CREM: variants seen among roughly 807,000 people sequenced by gnomAD.
CREM encodes cAMP responsive element modulator.
A neutral mutation model predicts 37.3 loss-of-function variants in CREM; 13 were observed. The ratio of observed to expected loss-of-function variants is 0.35; its 90% CI spans 0.23 to 0.55. The LOEUF (loss-of-function observed/expected upper bound fraction) is 0.55, where lower values mean the gene tolerates loss of function less well. CREM is among the 20% of genes least tolerant of loss of function. The probability of loss-of-function intolerance (pLI) is 0.88; values close to 1 mark genes in which losing one functional copy is unlikely to be tolerated. For synonymous variants in CREM, 124 were observed against 120.2 expected, an observed-to-expected ratio of 1.03 and a Z score of -0.21; for missense variants, 296 against 362.3, an observed-to-expected ratio of 0.82 and a Z score of 1.49.
chr10:35,190,096 ATTTC>A (rs2094846367), intron 6 of CREM, among the ~76,000 whole-genome samples: 1 of 152,190 alleles, frequency 6.6e-6, no homozygotes, highest in African/African-American at 2.4e-5. Flanking sequence ...AAGAATAATT[ATTTC>A]TTCTCATTTT....
chr10:35,190,869 C>T (rs927913724), intron 6 of CREM, among the ~76,000 whole-genome samples: 2 of 151,748 alleles, frequency 1.3e-5, no homozygotes, highest in African/African-American at 4.8e-5. Flanking sequence ...TCACCATGTT[C>T]GCCAGGATGG....
At chr10:35,197,218 A>G (rs186386753) in intron 6 of CREM, among the ~76,000 whole-genome samples, 51 of 152,186 alleles carry the variant, frequency 3.4e-4, no homozygotes, top group African/African-American at 1.1e-3. Flanking sequence ...CAGTTTTACC[A>G]ATAATGCTAC....
chr10:35,134,749 GA>G (rs2090146024), intron 1 of CREM, among the ~76,000 whole-genome samples: 1 of 152,096 alleles, frequency 6.6e-6, no homozygotes, highest in South Asian at 2.1e-4. Context: ...CGACAGCAGT[GA>G]AATTGAGCCT....
At chr10:35,145,160 CAAAAAAAAAA>C (rs34802396) in intron 2 of CREM, among the ~76,000 whole-genome samples, 1 of 67,854 alleles carries the variant, frequency 1.5e-5, no homozygotes, top group Admixed American at 1.7e-4. Context: ...GACACTGTCT[CAAAAAAAAAA>C]AAAAAAAAAA....
At chr10:35,160,545 C>T (rs2093226852) in intron 3 of CREM, among the ~76,000 whole-genome samples, 1 of 152,182 alleles carries the variant, frequency 6.6e-6, no homozygotes, top group Admixed American at 6.5e-5. Context: ...ACTACAGGCA[C>T]ATGCCACCAT....
chr10:35,144,948 C>T (rs1040133030), intron 2 of CREM, among the ~76,000 whole-genome samples: 4 of 151,518 alleles, frequency 2.6e-5, no homozygotes, highest in Admixed American at 2.0e-4. Context: ...TCACTTGAGG[C>T]CAGGAGTTGG....
Position 35,211,701 on chromosome 10 carries a change from A to G in CREM, c.*303A>G. 6.2e-7 allele frequency: 1 copy of G among 1,613,996 alleles called. No homozygotes were observed. The highest frequency in any genetic ancestry group is 8.5e-7 in the Non-Finnish European group (1 of 1,179,994). Reference sequence around the variant, plus strand: ...GACGTCGAAAGAAAGAATATGTAAAATGTCTGGAGAGCCGAGTTGCAGTGC... The same window carrying G: ...GACGTCGAAAGAAAGAATATGTAAAGTGTCTGGAGAGCCGAGTTGCAGTGC... On this transcript the variant is annotated 3_prime_UTR_variant, in exon 8 of 8. Coordinates refer to ENST00000685392, the MANE Select transcript of CREM (RefSeq NM_183011.2).
chr10:35,189,018 G>C (rs546884034), intron 6 of CREM, among the ~76,000 whole-genome samples: 1 of 152,086 alleles, frequency 6.6e-6, no homozygotes, highest in Non-Finnish European at 1.5e-5. Context: ...TCATTTGGGG[G>C]TTGCAAATGT....
chr10:35,199,618 A>G (rs981579631), intron 6 of CREM, among the ~76,000 whole-genome samples: 2 of 152,174 alleles, frequency 1.3e-5, no homozygotes, highest in Non-Finnish European at 2.9e-5. Context: ...TAAAAAAGGC[A>G]GTTTACAGGC....
chr10:35,184,068 C>T (rs543115465), intron 5 of CREM, among the ~76,000 whole-genome samples: 1 of 152,224 alleles, frequency 6.6e-6, no homozygotes, highest in African/African-American at 2.4e-5. Context: ...GAGTGAAAGT[C>T]CATCTCAAAA....
chr10:35,174,733 A>G (rs985218510), intron 3 of CREM, among the ~76,000 whole-genome samples: 19 of 152,240 alleles, frequency 1.2e-4, no homozygotes, highest in African/African-American at 4.6e-4. Context: ...AGTTTCTGCA[A>G]TTATGCTAGC....
chr10:35,181,697 G>C (rs957315762), intron 5 of CREM, among the ~76,000 whole-genome samples: 1 of 152,098 alleles, frequency 6.6e-6, no homozygotes, highest in Non-Finnish European at 1.5e-5. Context: ...AATAGAGTGA[G>C]ACCCTGTCTC....
At chr10:35,137,645 T>C in intron 1 of CREM, 137 bp from the exon 2 acceptor site, 1 of 342,304 alleles carries the variant, frequency 2.9e-6, no homozygotes, top group Non-Finnish European at 5.2e-6. Flanking sequence ...AGTTATTTTT[T>C]ATTTTTAGTT....
At chr10:35,198,191 T>C (rs1185122131) in intron 6 of CREM, among the ~76,000 whole-genome samples, 1 of 152,072 alleles carries the variant, frequency 6.6e-6, no homozygotes, top group Admixed American at 6.6e-5. Flanking sequence ...GAAAAGATAT[T>C]AGCAGCATTT....
chr10:35,171,920 G>A (rs2093839210), intron 3 of CREM, among the ~76,000 whole-genome samples: 1 of 152,158 alleles, frequency 6.6e-6, no homozygotes. Context: ...AAAAAGGAAA[G>A]GAACAGAGGA....
At chr10:35,130,294 C>A (rs917294796) in intron 1 of CREM, among the ~76,000 whole-genome samples, 16 of 151,544 alleles carry the variant, frequency 1.1e-4, no homozygotes, top group African/African-American at 3.9e-4. Context: ...TAATAATCTC[C>A]TTTTAGACAA....
chr10:35,166,408 A>G (rs35847586), intron 3 of CREM, among the ~76,000 whole-genome samples: 44,386 of 151,746 alleles, frequency 0.29, 7,027 homozygotes, highest in South Asian at 0.35. Flanking sequence ...TAAAATTACA[A>G]AAATTAACTG....
intron 2 of CREM, among the ~76,000 whole-genome samples, chr10:35,145,545 C>A (rs941578374): frequency 9.2e-5 from 14 of 152,268 alleles, no homozygotes; most frequent in African/African-American, 2.9e-4. Flanking sequence ...CTTTGGGAGG[C>A]CAAGGCAGGC....
At chr10:35,205,775 A>G (rs1283105641) in intron 6 of CREM, among the ~76,000 whole-genome samples, 1 of 152,152 alleles carries the variant, frequency 6.6e-6, no homozygotes, top group African/African-American at 2.4e-5. Context: ...CCTGGCCAAC[A>G]TGGCAAAACA....
Sources: allele counts gnomAD v4.1 joint callset (sites outside exome capture counted in the v4.1 genomes callset), GRCh38; gene constraint gnomAD v4.1.1; transcripts MANE v1.5; gene names NCBI Gene and HGNC (gene_info 2026-07-23, HGNC 2026-07-21).